The following DPP6 variants were observed in gnomAD, a reference collection of about 807,000 sequenced individuals.
DPP6 encodes A-type potassium channel modulatory protein DPP6.
In DPP6, 69 loss-of-function variants were observed where a neutral mutation model predicts 122.6. The ratio of observed to expected loss-of-function variants is 0.56; its 90% confidence interval spans 0.46 to 0.69. The LOEUF is 0.69. Among genes scored for constraint, DPP6 ranks in the 30% least tolerant of loss-of-function variants. The pLI, the probability that DPP6 is intolerant of heterozygous loss-of-function variation, is 0.00. For synonymous variants in DPP6, 418 were observed against 433.1 expected (o/e 0.97, Z 0.43); for missense variants, 928 against 1,116.9 (o/e 0.83, Z 2.41).
chr7:154,389,429 G>C (rs1305441516), intron 1 of DPP6, among the ~76,000 whole-genome samples: 2 of 142,770 alleles, frequency 1.4e-5, no homozygotes, highest in Non-Finnish European at 3.1e-5. Flanking sequence ...AAGTGCTTCT[G>C]ATTTCAAGAA....
chr7:154,852,206 G>A (rs6971411), intron 16 of DPP6, among the ~76,000 whole-genome samples: 32,072 of 152,034 alleles, frequency 0.21, 3,884 homozygotes, highest in African/African-American at 0.34. Context: ...CCTCAGAAGC[G>A]TGTGGGGAGT....
At chr7:154,763,060 G>A (rs148272402) in intron 8 of DPP6, among the ~76,000 whole-genome samples, 3,060 of 152,304 alleles carry the variant, frequency 0.02, 59 homozygotes, top group Non-Finnish European at 0.028. Context: ...AGCTGGGTGC[G>A]GTGGCTCACG....
chr7:154,839,940 TG>T (rs1801386285), intron 16 of DPP6, among the ~76,000 whole-genome samples: 1 of 150,078 alleles, frequency 6.7e-6, no homozygotes. Flanking sequence ...GGCAGGAGAG[TG>T]GGGGACAGCG....
chr7:154,880,933 G>A lies in DPP6; in HGVS notation c.2124G>A (p.Val708=). Residue 708 remains valine, a synonymous_variant, in exon 21 of 26, where the codon GTG becomes GTA. Coordinates refer to ENST00000377770, the MANE Select transcript of DPP6 (RefSeq NM_130797.4). ...EQYIDRTRVA[V]FGKDYGGYLS... is the part of the protein sequence containing the mutation. ...ACATTGACAGGACGCGCGTGGCCGT[G>A]TTTGGGAAGGTGAGTCTGCGCCACC... 1 of 1,613,966 alleles carries A rather than the reference G, an allele frequency of 6.2e-7. No individual in the cohort carries two copies. The highest frequency in any genetic ancestry group is 8.5e-7 in the Non-Finnish European group (1 of 1,179,884).
At chr7:154,262,735 G>A (rs938061056) in intron 1 of DPP6, among the ~76,000 whole-genome samples, 1 of 151,684 alleles carries the variant, frequency 6.6e-6, no homozygotes, top group Non-Finnish European at 1.5e-5. Flanking sequence ...TTTTGTTGGG[G>A]ATAAAAGTGA....
chr7:154,029,893 T>C (rs1799143967), intron 1 of DPP6, among the ~76,000 whole-genome samples: 1 of 151,240 alleles, frequency 6.6e-6, no homozygotes, highest in African/African-American at 2.4e-5. Context: ...AATTGCCTTA[T>C]GTCAAAAATT....
chr7:154,013,463 T>C (rs530353729), intron 1 of DPP6, among the ~76,000 whole-genome samples: 4 of 136,340 alleles, frequency 2.9e-5, no homozygotes, highest in South Asian at 2.4e-4. Flanking sequence ...CTTTTCTTTT[T>C]TTTTTTTTTT....
chr7:154,172,892 C>A (rs868100080), intron 1 of DPP6, among the ~76,000 whole-genome samples: 1 of 152,182 alleles, frequency 6.6e-6, no homozygotes, highest in African/African-American at 2.4e-5. Flanking sequence ...TGAGCCACTG[C>A]GCCTGGCCCT....
intron 1 of DPP6, among the ~76,000 whole-genome samples, chr7:154,347,466 C>A (rs1810494960): frequency 6.6e-6 from 1 of 152,120 alleles, no homozygotes; most frequent in Non-Finnish European, 1.5e-5. Flanking sequence ...CTTTATTTGA[C>A]CAAAGCATGA....
intron 1 of DPP6, among the ~76,000 whole-genome samples, chr7:154,175,087 A>G (rs564503988): frequency 1.8e-4 from 27 of 151,434 alleles, no homozygotes; most frequent in African/African-American, 4.4e-4. Flanking sequence ...ATTATATTCT[A>G]TGGAGTCATT....
the DPP6 span, among the ~76,000 whole-genome samples, chr7:153,878,962 AAAGG>A: frequency 6.6e-6 from 1 of 152,080 alleles, no homozygotes; most frequent in African/African-American, 2.4e-5. Context: ...AGATGGGAAA[AAAGG>A]AAGGAGGAAA....
At chr7:154,729,648 G>A (rs530074223) in intron 8 of DPP6, among the ~76,000 whole-genome samples, 11 of 152,244 alleles carry the variant, frequency 7.2e-5, no homozygotes, top group African/African-American at 2.2e-4. Context: ...AGACTGCCAC[G>A]GTCCTGGGGG....
chr7:154,629,538 G>A (rs1835284376), intron 5 of DPP6, among the ~76,000 whole-genome samples: 1 of 151,890 alleles, frequency 6.6e-6, no homozygotes, highest in Non-Finnish European at 1.5e-5. Context: ...CTTTAACTGT[G>A]TATGCCAGCC....
intron 1 of DPP6, among the ~76,000 whole-genome samples, chr7:154,350,319 G>A (rs1252602123): frequency 1.3e-5 from 2 of 152,164 alleles, no homozygotes; most frequent in Non-Finnish European, 1.5e-5. Flanking sequence ...CGGCCTTGAA[G>A]GGTGGGAGAG....
intron 1 of DPP6, among the ~76,000 whole-genome samples, chr7:154,170,699 CT>C (rs1797492982): frequency 6.6e-6 from 1 of 152,228 alleles, no homozygotes; most frequent in African/African-American, 2.4e-5. Context: ...GACTGTGCCC[CT>C]GGTATGGGAA....
At chr7:154,766,760 C>T (rs1374254096) in intron 8 of DPP6, among the ~76,000 whole-genome samples, 1 of 152,190 alleles carries the variant, frequency 6.6e-6, no homozygotes, top group Non-Finnish European at 1.5e-5. Context: ...AGCCTTCACC[C>T]ACATTTTTTT....
At chr7:154,416,165 G>C (rs1816997029) in intron 1 of DPP6, among the ~76,000 whole-genome samples, 1 of 152,086 alleles carries the variant, frequency 6.6e-6, no homozygotes, top group Non-Finnish European at 1.5e-5. Flanking sequence ...CCTGTTCTGG[G>C]ACATGAATCA....
intron 8 of DPP6, among the ~76,000 whole-genome samples, chr7:154,752,722 G>A (rs1843455084): frequency 6.6e-6 from 1 of 152,186 alleles, no homozygotes; most frequent in Admixed American, 6.5e-5. Context: ...GGAAAGCCCT[G>A]ACCTACAGTG....
chr7:154,527,357 A>G (rs1269442713), intron 3 of DPP6, among the ~76,000 whole-genome samples: 1 of 152,172 alleles, frequency 6.6e-6, no homozygotes, highest in Non-Finnish European at 1.5e-5. Context: ...TTAGCCATTT[A>G]CAGAGAGAAT....
Sources: allele counts gnomAD v4.1 joint callset (sites outside exome capture counted in the v4.1 genomes callset), GRCh38; gene constraint gnomAD v4.1.1; transcripts MANE v1.5; gene names NCBI Gene and HGNC (gene_info 2026-07-23, HGNC 2026-07-21).